DMD: variants seen among roughly 807,000 people sequenced by gnomAD.
DMD encodes dystrophin.
A neutral mutation model predicts 330.1 loss-of-function variants in DMD; 63 were observed. The ratio of observed to expected loss-of-function variants is 0.19; its 90% confidence interval spans 0.16 to 0.24. The LOEUF (loss-of-function observed/expected upper bound fraction) is 0.24, where lower values mean the gene tolerates loss of function less well. Among genes scored for constraint, DMD ranks in the 10% least tolerant of loss-of-function variants. DMD has a pLI of 1.00. For synonymous variants in DMD, 1,223 were observed against 959.8 expected, an observed-to-expected ratio of 1.27 and a Z score of -5.07; for missense variants, 3,344 against 2,684.1, an observed-to-expected ratio of 1.25 and a Z score of -5.43.
chrX:32,079,202 G>C (rs1013124512), intron 44 of DMD, among the ~76,000 whole-genome samples: 7 of 111,811 alleles, frequency 6.3e-5, no homozygotes, highest in Non-Finnish European at 1.3e-4. Flanking sequence ...CAGCTGGGCA[G>C]CCTAGAAGGG....
intron 2 of DMD, among the ~76,000 whole-genome samples, chrX:33,019,426 C>A (rs2093870879): frequency 9.0e-6 from 1 of 111,137 alleles, no homozygotes; most frequent in Non-Finnish European, 1.9e-5. Context: ...AGAAAACCGA[C>A]TCACCAAACA....
intron 65 of DMD, among the ~76,000 whole-genome samples, chrX:31,207,492 T>C (rs1402705631): frequency 8.9e-6 from 1 of 112,123 alleles, no homozygotes; most frequent in Non-Finnish European, 1.9e-5. Flanking sequence ...GGAATCAATA[T>C]GAATGCCCAT....
intron 43 of DMD, among the ~76,000 whole-genome samples, chrX:32,273,688 C>T (rs910768891): frequency 1.8e-5 from 2 of 111,420 alleles, no homozygotes. Context: ...CCCTTTGACC[C>T]TTCTTCTGGC....
At chrX:31,537,037 C>T (rs753382133) in intron 55 of DMD, among the ~76,000 whole-genome samples, 1 of 111,779 alleles carries the variant, frequency 8.9e-6, no homozygotes, top group African/African-American at 3.3e-5. Flanking sequence ...AATTCTCAAT[C>T]ATGCCTGAAC....
intron 60 of DMD, among the ~76,000 whole-genome samples, chrX:31,358,622 C>T (rs977341434): frequency 2.7e-5 from 3 of 112,298 alleles, no homozygotes; most frequent in African/African-American, 6.5e-5. Context: ...ATAATCTTAA[C>T]GTATAGCAGT....
intron 6 of DMD, among the ~76,000 whole-genome samples, chrX:32,812,259 G>A (rs1331143588): frequency 1.8e-5 from 2 of 111,046 alleles, no homozygotes; most frequent in Admixed American, 1.9e-4. Context: ...CTCATGCTAT[G>A]CAAAAACAAA....
intron 47 of DMD, among the ~76,000 whole-genome samples, chrX:31,897,749 C>T (rs201802920): frequency 0.015 from 1,511 of 101,530 alleles, 29 homozygotes; most frequent in Admixed American, 0.074. Context: ...TCATGTCCTT[C>T]GCCCACTTTT....
chrX:32,536,220 G>A lies in DMD; in HGVS notation c.2168+8939C>T, dbSNP rs192826833. On this transcript the variant is annotated intron_variant, in intron 17 of 78. Transcript: ENST00000357033. ...GCAGAGGATGCAGTAAGCTGAGATC[G>A]CGCCACTGCACTCCAGACTGGCAAC... Among the ~76,000 whole-genome samples the A allele has an allele frequency of 6.4e-3, 601 of 94,366 alleles. 19 individuals carry two copies. The highest frequency in any genetic ancestry group is 0.058 in the Admixed American group (462 of 7,984). 81.9% of individuals were successfully genotyped at this position (94,366 alleles called of 115,157 possible).
intron 9 of DMD, among the ~76,000 whole-genome samples, chrX:32,686,559 CAAAAAAAAAA>C (rs750534167): frequency 1.7e-4 from 5 of 28,584 alleles, no homozygotes; most frequent in Non-Finnish European, 3.0e-4. Context: ...AACTCCATCT[CAAAAAAAAAA>C]AAAAAAAAAA....
At chrX:32,089,179 C>G (rs2096459850) in intron 44 of DMD, among the ~76,000 whole-genome samples, 1 of 111,011 alleles carries the variant, frequency 9.0e-6, no homozygotes, top group Non-Finnish European at 1.9e-5. Flanking sequence ...CATCACCCCC[C>G]AAAATGCTCT....
rs777901447 is a variant in DMD, at chrX:33,028,178, C to T, written c.32-7978G>A. Among the ~76,000 whole-genome samples, 23 of 111,637 alleles carry T rather than the reference C, an allele frequency of 2.1e-4. 1 individual carries two copies. In the South Asian group the frequency reaches 4.9e-3, roughly 24 times the overall value. On this transcript the variant is annotated intron_variant, in intron 1 of 78. Transcript: ENST00000357033. Reference sequence around the variant, plus strand: ...CCACGTGAGAAGTAAGCATGACTTGCATTAATGAATGGCAGTGGGGCTGGA... The same window carrying T: ...CCACGTGAGAAGTAAGCATGACTTGTATTAATGAATGGCAGTGGGGCTGGA...
At chrX:33,180,434 C>T (rs188154696) in intron 1 of DMD, among the ~76,000 whole-genome samples, 71 of 111,669 alleles carry the variant, frequency 6.4e-4, no homozygotes, top group Middle Eastern at 4.6e-3. Context: ...CACACACACG[C>T]GCACACACAC....
At chrX:32,757,893 T>C (rs1386911265) in intron 7 of DMD, among the ~76,000 whole-genome samples, 1 of 111,830 alleles carries the variant, frequency 8.9e-6, no homozygotes. Context: ...TTTGCTGCAG[T>C]TCCTGTTTCT....
At chrX:31,341,878 T>TGC (rs2057762433) in intron 61 of DMD, among the ~76,000 whole-genome samples, 1 of 67,994 alleles carries the variant, frequency 1.5e-5, no homozygotes, top group South Asian at 7.1e-4. Context: ...CGTGCGCGCG[T>TGC]GCGTGCGCGC....
chrX:31,138,078 T>G (rs751962309), intron 76 of DMD, among the ~76,000 whole-genome samples: 112 of 111,136 alleles, frequency 1.0e-3, no homozygotes, highest in African/African-American at 3.5e-3. Context: ...CTTTGGAAAA[T>G]GGAATGTAAG....
intron 9 of DMD, among the ~76,000 whole-genome samples, chrX:32,654,951 T>A (rs1431246589): frequency 1.8e-5 from 2 of 111,982 alleles, no homozygotes; most frequent in African/African-American, 6.5e-5. Flanking sequence ...TGTTTACAGT[T>A]TTCTCTGATG....
rs866849852 is a variant in DMD, at chrX:32,575,921, C to A, written c.1603-2075G>T. On this transcript the variant is annotated intron_variant, in intron 13 of 78. Coordinates refer to ENST00000357033, the MANE Select transcript of DMD (RefSeq NM_004006.3). ...ATATAGCATCTTCTCTCTAGTGCTA[C>A]AAGACATATAGTATCCACTGAAGCA... Among the ~76,000 whole-genome samples, 134 of 111,976 alleles carry A rather than the reference C, an allele frequency of 1.2e-3. 1 individual carries two copies. Among genetic ancestry groups the A allele is most frequent in the African/African-American group, 4.1e-3 (128 of 30,854 alleles).
In DMD at chrX:32,501,772, A is replaced by G. The variant is rs1603634972; in HGVS notation, c.2363T>C (p.Val788Ala). The G allele has an allele frequency of 1.7e-6, 2 of 1,208,791 alleles. No individual in the cohort carries two copies. The highest frequency in any genetic ancestry group is 3.5e-5 in the African/African-American group (2 of 57,818). Residue 788 changes from valine (V) to alanine (A), a missense_variant, in exon 19 of 79, where the codon GTG (valine) becomes GCG (alanine). Val to Ala is a moderately conservative substitution (Grantham distance 64, BLOSUM62 0). Coordinates refer to ENST00000357033, the MANE Select transcript of DMD (RefSeq NM_004006.3). The stretch of plus-strand genomic sequence containing the variant: ...GTAATTACCATTCACCATCTGTTCC[A>G]CCAGGGCCTGAGCTGATCTGCTGGC... ...QDASRSAQAL[V>A]EQMVNEGVNA...
chrX:32,068,553 C>A (rs182535637), intron 44 of DMD, among the ~76,000 whole-genome samples: 3 of 109,770 alleles, frequency 2.7e-5, no homozygotes, highest in African/African-American at 9.9e-5. Context: ...ACTTTGTCGA[C>A]GAACAGTTGG....
Sources: allele counts gnomAD v4.1 joint callset (sites outside exome capture counted in the v4.1 genomes callset), GRCh38; gene constraint gnomAD v4.1.1; transcripts MANE v1.5; gene names NCBI Gene and HGNC (gene_info 2026-07-23, HGNC 2026-07-21).